The following ABHD2 variants were observed in gnomAD, a reference collection of about 807,000 sequenced individuals.
ABHD2 encodes the protein monoacylglycerol lipase ABHD2.
ABHD2 carries 20 observed loss-of-function variants against 48.1 expected under a neutral mutation model. That is an observed-to-expected ratio of 0.42 (90% CI 0.29 to 0.60). The LOEUF is 0.60. Ranked by LOEUF, ABHD2 falls within the 20% of genes least tolerant of loss-of-function variation. The probability of loss-of-function intolerance (pLI) is 0.24; values close to 1 mark genes in which losing one functional copy is unlikely to be tolerated. For missense variants in ABHD2, 405 were observed against 550.9 expected, an observed-to-expected ratio of 0.74 and a Z score of 2.65; for synonymous variants, 209 against 214.2, an observed-to-expected ratio of 0.98 and a Z score of 0.21.
intron 3 of ABHD2, among the ~76,000 whole-genome samples, chr15:89,145,093 C>T (rs1345923861): frequency 6.6e-6 from 1 of 152,130 alleles, no homozygotes; most frequent in African/African-American, 2.4e-5. Context: ...TCCATCTCTA[C>T]TAAAAATATG....
chr15:89,065,717 C>A, the ABHD2 span, among the ~76,000 whole-genome samples: 1 of 152,116 alleles, frequency 6.6e-6, no homozygotes, highest in Admixed American at 6.5e-5. Flanking sequence ...TATGTCTATA[C>A]AGACTCTAGC....
chr15:89,064,907 T>G, the ABHD2 span, among the ~76,000 whole-genome samples: 5 of 152,078 alleles, frequency 3.3e-5, no homozygotes, highest in Admixed American at 3.3e-4. Flanking sequence ...TCTCAGAACC[T>G]CAGAAGCACC....
chr15:89,144,625 T>C (rs752499907), intron 3 of ABHD2, among the ~76,000 whole-genome samples: 1 of 152,062 alleles, frequency 6.6e-6, no homozygotes, highest in Non-Finnish European at 1.5e-5. Flanking sequence ...TGATAAGAAA[T>C]ATACAGAATA....
Position 89,120,885 on chromosome 15 carries a change from A to T in ABHD2, c.194+4364A>T, listed in dbSNP as rs533966117. ...TAATTCTACCCAGAGATAATGCACTATTAATATGTGGGCAATCATCCCTGT... is the reference window on the plus strand; with the variant it reads ...TAATTCTACCCAGAGATAATGCACTTTTAATATGTGGGCAATCATCCCTGT... On this transcript the variant is annotated intron_variant, in intron 3 of 10. Transcript: ENST00000352732. The surrounding 1 kb of genome is among the most constrained non-coding windows in gnomAD (Gnocchi z 4.2). 1.3e-5 allele frequency: 2 copies of T among 152,336 alleles called. No individual in the cohort carries two copies. The highest frequency in any genetic ancestry group is 2.9e-5 in the Non-Finnish European group (2 of 68,026). The allele number at this position is 152,336 out of a possible 1,614,324, so 9.4% of individuals were successfully genotyped here. A position where few individuals can be genotyped will look rare whatever the true frequency, so the allele number is the denominator to read the frequency against.
rs79475253 is a variant in ABHD2 at position 89,196,236 on chromosome 15, G to C, written c.*813G>C. On this transcript the variant is annotated 3_prime_UTR_variant, in exon 11 of 11. Coordinates refer to ENST00000352732, the MANE Select transcript of ABHD2 (RefSeq NM_152924.5). ...CGTTTTATTGAAATTCATAATCAGG[G>C]GTGTCCTCTAGCTCCCACGGTCTCC... 24 of 152,234 alleles carry C rather than the reference G, an allele frequency of 1.6e-4. No individual in the cohort carries two copies. In the East Asian group the frequency reaches 4.6e-3, roughly 29 times the overall value. The allele number at this position is 152,234 out of a possible 1,614,324, so 9.4% of individuals were successfully genotyped here.
intron 3 of ABHD2, among the ~76,000 whole-genome samples, chr15:89,129,733 A>C (rs1266273286): frequency 6.6e-6 from 1 of 151,584 alleles, no homozygotes. Context: ...CCGAGCTTCT[A>C]TTTCCTCATT....
chr15:89,125,911 C>A (rs1419549565), intron 3 of ABHD2, among the ~76,000 whole-genome samples: 1 of 152,156 alleles, frequency 6.6e-6, no homozygotes, highest in Non-Finnish European at 1.5e-5. Context: ...TTTATGCCTT[C>A]TTATAGGAAT....
rs1432175668 is a variant in ABHD2, at chr15:89,173,034, T to C, written c.539-2778T>C. On this transcript the variant is annotated intron_variant, in intron 5 of 10. Coordinates refer to ENST00000352732, the MANE Select transcript of ABHD2 (RefSeq NM_152924.5). This position sits in a 1 kb window ranked among gnomAD's most constrained non-coding sequence, Gnocchi z 6.5. ...GCCACAGGGCCTTTTCACTTAGCCA[T>C]GAGGCCAGGCTGCTCCTTTAAGGCC... Among the ~76,000 whole-genome samples, 1 of 152,246 alleles carries C rather than the reference T, an allele frequency of 6.6e-6. No individual in the cohort carries two copies. The highest frequency in any genetic ancestry group is 1.5e-5 in the Non-Finnish European group (1 of 68,038).
rs1256640072 is a variant in ABHD2 at position 89,088,766 on chromosome 15, G to T, written c.-107+203G>T. Reference sequence around the variant, plus strand: ...GGTGGGGACAGCCCAGATCGCGGCGGGGGATACGCCTTCCTGAGGCCCTTT... The same window carrying T: ...GGTGGGGACAGCCCAGATCGCGGCGTGGGATACGCCTTCCTGAGGCCCTTT... On this transcript the variant is annotated intron_variant, in intron 1 of 10. Coordinates refer to ENST00000352732, the MANE Select transcript of ABHD2 (RefSeq NM_152924.5). This position sits in a 1 kb window ranked among gnomAD's most constrained non-coding sequence, Gnocchi z 6.8. 6.6e-6 allele frequency among the ~76,000 whole-genome samples: 1 copy of T among 152,222 alleles called. No individual in the cohort carries two copies. The highest frequency in any genetic ancestry group is 1.9e-4 in the East Asian group (1 of 5,182).
At chr15:89,147,680 A>G (rs2050517764) in intron 3 of ABHD2, among the ~76,000 whole-genome samples, 1 of 152,176 alleles carries the variant, frequency 6.6e-6, no homozygotes, top group South Asian at 2.1e-4. Context: ...ACAAAATGCA[A>G]AACACAAAGG....
chr15:89,112,857 G>GAC (rs142273707), intron 1 of ABHD2, among the ~76,000 whole-genome samples: 5,171 of 152,308 alleles, frequency 0.034, 125 homozygotes, highest in African/African-American at 0.069. Flanking sequence ...CCAGCTGTAT[G>GAC]ACACTGGGAA....
chr15:89,068,969 A>T, the ABHD2 span, among the ~76,000 whole-genome samples: 1 of 151,360 alleles, frequency 6.6e-6, no homozygotes, highest in East Asian at 1.9e-4. Context: ...GGGTTTCACC[A>T]TATTGGCCAG....
upstream of ABHD2, among the ~76,000 whole-genome samples, chr15:89,085,129 C>G (rs1901330945): frequency 6.6e-6 from 1 of 152,158 alleles, no homozygotes; most frequent in Non-Finnish European, 1.5e-5. This position sits in a 1 kb window ranked among gnomAD's most constrained non-coding sequence, Gnocchi z 4.2. Flanking sequence ...TTAGTAAATC[C>G]TGCAGAGGCC....
At chr15:89,069,127 T>TC in the ABHD2 span, among the ~76,000 whole-genome samples, 24 of 132,640 alleles carry the variant, frequency 1.8e-4, 1 homozygote, top group Admixed American at 1.7e-3. Context: ...CTTTTCTTTT[T>TC]TTTTTTTTTT....
the ABHD2 span, among the ~76,000 whole-genome samples, chr15:89,070,500 G>A: frequency 3.9e-5 from 6 of 152,086 alleles, no homozygotes; most frequent in Non-Finnish European, 5.9e-5. Context: ...GTTTCCTCTT[G>A]GTCTGGAGAT....
chr15:89,177,483 G>A lies in ABHD2; in HGVS notation c.722+1488G>A, dbSNP rs2051034479. ...CTTGGAGATTTTGATTCATGAAGTTGGAGGCATGGGACCTCAGAAGTCTGC... is the reference window on the plus strand; with the variant it reads ...CTTGGAGATTTTGATTCATGAAGTTAGAGGCATGGGACCTCAGAAGTCTGC... On this transcript the variant is annotated intron_variant, in intron 6 of 10. Transcript: ENST00000352732. The surrounding 1 kb of genome is among the most constrained non-coding windows in gnomAD (Gnocchi z 5.6). Among the ~76,000 whole-genome samples, 1 of 152,286 alleles carries A rather than the reference G, an allele frequency of 6.6e-6. No individual in the cohort carries two copies. Among genetic ancestry groups the A allele is most frequent in the Admixed American group, 6.5e-5 (1 of 15,296 alleles).
chr15:89,068,965 C>T, the ABHD2 span, among the ~76,000 whole-genome samples: 1 of 151,332 alleles, frequency 6.6e-6, no homozygotes, highest in Admixed American at 6.6e-5. Flanking sequence ...AATGGGGTTT[C>T]ACCATATTGG....
At chr15:89,079,901 C>G in the ABHD2 span, among the ~76,000 whole-genome samples, 1 of 152,176 alleles carries the variant, frequency 6.6e-6, no homozygotes, top group African/African-American at 2.4e-5. The surrounding 1 kb of genome is among the most constrained non-coding windows in gnomAD (Gnocchi z 4.3). Context: ...AGGGCGGCTG[C>G]CAGCATTTCT....
chr15:89,112,478 G>C (rs556295200), intron 1 of ABHD2, among the ~76,000 whole-genome samples: 1 of 152,108 alleles, frequency 6.6e-6, no homozygotes, highest in African/African-American at 2.4e-5. Context: ...TTGCTCTTCC[G>C]GCCCCACCTC....
Sources: gnomAD v4.1 joint callset for allele counts (sites outside exome capture counted in the v4.1 genomes callset) on GRCh38, gnomAD v4.1.1 for gene constraint, Gnocchi (gnomAD v3.1) non-coding constraint, MANE v1.5 for transcripts, NCBI Gene and HGNC (gene_info 2026-07-23, HGNC 2026-07-21) for gene names.